The following CNTNAP2 variants were observed in gnomAD, a reference collection of about 807,000 sequenced individuals.
The protein encoded by CNTNAP2 is contactin-associated protein-like 2.
Under a neutral mutation model 155.2 loss-of-function variants are expected in CNTNAP2, and 98 were observed. The ratio of observed to expected loss-of-function variants is 0.63; its 90% CI spans 0.54 to 0.75. CNTNAP2 has a LOEUF of 0.75. Among genes scored for constraint, CNTNAP2 ranks in the 30% least tolerant of loss-of-function variants. CNTNAP2 has a pLI of 0.00. For synonymous variants in CNTNAP2, 651 were observed against 631.2 expected (o/e 1.03, Z -0.47); for missense variants, 1,727 against 1,688.1 (o/e 1.02, Z -0.40).
chr7:146,597,779 T>G (rs750302214), intron 1 of CNTNAP2, among the ~76,000 whole-genome samples: 4 of 152,132 alleles, frequency 2.6e-5, no homozygotes, highest in Non-Finnish European at 4.4e-5. Context: ...ACGTTGTTAT[T>G]TTTATTAATG....
At chr7:147,093,963 G>A (rs1800469459) in intron 4 of CNTNAP2, among the ~76,000 whole-genome samples, 1 of 152,188 alleles carries the variant, frequency 6.6e-6, no homozygotes, top group African/African-American at 2.4e-5. Flanking sequence ...CGAATATCCT[G>A]CCACCTAGAT....
chr7:147,671,093 G>A (rs1795779787), intron 13 of CNTNAP2, among the ~76,000 whole-genome samples: 1 of 152,182 alleles, frequency 6.6e-6, no homozygotes, highest in African/African-American at 2.4e-5. Flanking sequence ...ATGAGTGGTG[G>A]AGCACAGCGG....
rs762862873 is a variant in CNTNAP2, at chr7:147,300,317, C to A, written c.1498+27C>A. The A allele has an allele frequency of 2.5e-6, 4 of 1,613,024 alleles. No individual in the cohort carries two copies. The African/African-American group carries it at 5.3e-5, about 22-fold the overall frequency. ...TAAGAATGCCATTCCTTTTTGGTTACTAATCCATTGCAAAAAATGAGGTTT... is the reference window on the plus strand; with the variant it reads ...TAAGAATGCCATTCCTTTTTGGTTAATAATCCATTGCAAAAAATGAGGTTT... On this transcript the variant is annotated intron_variant, in intron 9 of 23. Coordinates refer to ENST00000361727, the MANE Select transcript of CNTNAP2 (RefSeq NM_014141.6).
intron 1 of CNTNAP2, chr7:146,311,624 A>G (rs1340195695): frequency 1.3e-5 from 2 of 148,956 alleles, no homozygotes; most frequent in Non-Finnish European, 1.5e-5. Context: ...AAAAAAAAAA[A>G]AAAAGAAAGA....
chr7:147,412,031 A>G (rs1288156609), intron 10 of CNTNAP2, among the ~76,000 whole-genome samples: 3 of 152,198 alleles, frequency 2.0e-5, no homozygotes, highest in South Asian at 2.1e-4. Flanking sequence ...GGCTTAGACA[A>G]TCGACATTTT....
intron 1 of CNTNAP2, among the ~76,000 whole-genome samples, chr7:146,141,898 G>A (rs1797886393): frequency 1.3e-5 from 2 of 152,040 alleles, no homozygotes; most frequent in East Asian, 1.9e-4. Flanking sequence ...TAGCCTTTAG[G>A]TTACTAATAT....
At chr7:146,443,230 T>TAGTA (rs1796352260) in intron 1 of CNTNAP2, among the ~76,000 whole-genome samples, 1 of 147,772 alleles carries the variant, frequency 6.8e-6, no homozygotes, top group Non-Finnish European at 1.5e-5. Context: ...AATAAATAAA[T>TAGTA]AATAAATAAA....
chr7:146,837,036 T>C (rs1803631566), intron 2 of CNTNAP2, among the ~76,000 whole-genome samples: 1 of 152,192 alleles, frequency 6.6e-6, no homozygotes. Context: ...CAAATAATTA[T>C]AATGTGCCTT....
chr7:147,177,403 T>C lies in CNTNAP2; in HGVS notation c.1348+44894T>C, dbSNP rs548424022. ...TTGATTGGCACTCATTTCTCTCTCT[T>C]GCTGCCCTGTGAAGAGGTGCCTTCC... On this transcript the variant is annotated intron_variant, in intron 8 of 23. Coordinates refer to ENST00000361727, the MANE Select transcript of CNTNAP2 (RefSeq NM_014141.6). Among the ~76,000 whole-genome samples the C allele has an allele frequency of 3.9e-5, 6 of 152,240 alleles. 1 individual carries two copies. The South Asian group carries it at 1.2e-3, about 32-fold the overall frequency.
intron 1 of CNTNAP2, among the ~76,000 whole-genome samples, chr7:146,355,775 A>T (rs763501249): frequency 6.6e-5 from 10 of 152,050 alleles, no homozygotes; most frequent in Non-Finnish European, 1.3e-4. Context: ...TAAATTTTGG[A>T]TGTGTTGGTG....
At chr7:146,130,818 C>A (rs1450104862) in intron 1 of CNTNAP2, among the ~76,000 whole-genome samples, 1 of 152,140 alleles carries the variant, frequency 6.6e-6, no homozygotes, top group Non-Finnish European at 1.5e-5. Flanking sequence ...AAAGGCACGT[C>A]TTACATGGTG....
At chr7:147,657,082 C>T (rs1028820964) in intron 13 of CNTNAP2, among the ~76,000 whole-genome samples, 1 of 152,194 alleles carries the variant, frequency 6.6e-6, no homozygotes, top group African/African-American at 2.4e-5. Flanking sequence ...AGACATTTAG[C>T]TCTGATGAAC....
intron 8 of CNTNAP2, among the ~76,000 whole-genome samples, chr7:147,188,007 G>T (rs7806806): frequency 6.6e-6 from 1 of 152,084 alleles, no homozygotes; most frequent in Non-Finnish European, 1.5e-5. Flanking sequence ...GTTGCAGTGA[G>T]CTGAGATTGT....
At chr7:146,395,908 T>C (rs954539224) in intron 1 of CNTNAP2, among the ~76,000 whole-genome samples, 2 of 151,904 alleles carry the variant, frequency 1.3e-5, no homozygotes, top group Non-Finnish European at 2.9e-5. Flanking sequence ...AAAATGAGTA[T>C]CTCAGAAAGG....
At chr7:146,606,364 G>A (rs568439776) in intron 1 of CNTNAP2, among the ~76,000 whole-genome samples, 16 of 152,224 alleles carry the variant, frequency 1.1e-4, no homozygotes, top group African/African-American at 1.7e-4. Context: ...TTTAGTAGTC[G>A]TAGAATTTTA....
At chr7:146,251,667 G>A (rs1006309391) in intron 1 of CNTNAP2, among the ~76,000 whole-genome samples, 2 of 152,082 alleles carry the variant, frequency 1.3e-5, no homozygotes, top group African/African-American at 4.8e-5. Context: ...TGAATCAGAG[G>A]ATGAAGTAAC....
chr7:147,704,748 A>G (rs1199750435), intron 13 of CNTNAP2, among the ~76,000 whole-genome samples: 2 of 152,042 alleles, frequency 1.3e-5, no homozygotes, highest in African/African-American at 2.4e-5. Context: ...TACTGATTCA[A>G]TCTCACTGCT....
intron 3 of CNTNAP2, among the ~76,000 whole-genome samples, chr7:147,010,475 A>G (rs1236187757): frequency 6.6e-6 from 1 of 152,142 alleles, no homozygotes; most frequent in African/African-American, 2.4e-5. Flanking sequence ...TGAATCTAAA[A>G]TATCTATTTG....
In CNTNAP2 at chr7:147,173,006, A is replaced by G. The variant is rs979346876; in HGVS notation, c.1348+40497A>G. On this transcript the variant is annotated intron_variant, in intron 8 of 23. Transcript: ENST00000361727. ...ATACATATTGATTGTCAGCATTAAC[A>G]CACAGGCTATAATTTGATGTAATAT... Among the ~76,000 whole-genome samples the G allele has an allele frequency of 3.3e-5, 5 of 152,336 alleles. 1 individual carries two copies. In the Middle Eastern group the frequency reaches 0.017, roughly 518 times the overall value.
Sources: gnomAD v4.1 joint callset for allele counts (sites outside exome capture counted in the v4.1 genomes callset) on GRCh38, gnomAD v4.1.1 for gene constraint, MANE v1.5 for transcripts, NCBI Gene and HGNC (gene_info 2026-07-23, HGNC 2026-07-21) for gene names.